Variants in CDH4 observed in about 807,000 individuals in gnomAD.
CDH4 encodes cadherin 4, also known as cadherin-4.
Under a neutral mutation model 86.0 loss-of-function variants are expected in CDH4, and 33 were observed. The observed-to-expected ratio is 0.38, with a 90% confidence interval of 0.29 to 0.51. The LOEUF (loss-of-function observed/expected upper bound fraction) is 0.51, where lower values mean the gene tolerates loss of function less well. CDH4 is among the 20% of genes least tolerant of loss of function. The pLI is 0.86. For missense variants in CDH4, 1,114 were observed against 1,307.4 expected (o/e 0.85, Z 2.28); for synonymous variants, 555 against 549.4 (o/e 1.01, Z -0.14).
At chr20:61,773,799 C>T (rs1162714397) in intron 4 of CDH4, among the ~76,000 whole-genome samples, 1 of 152,190 alleles carries the variant, frequency 6.6e-6, no homozygotes, top group Non-Finnish European at 1.5e-5. Flanking sequence ...AATTCCCAAC[C>T]GTTGTGGAAA....
chr20:61,742,962 C>T (rs6061344), intron 2 of CDH4, among the ~76,000 whole-genome samples: 1 of 152,174 alleles, frequency 6.6e-6, no homozygotes, highest in Non-Finnish European at 1.5e-5. Flanking sequence ...CCACACCTGC[C>T]TAGCCCACCC....
At position 61,684,578 on chromosome 20, in the gene CDH4, G is replaced by A. The variant is rs757556364; in HGVS notation, c.170-58985G>A. 2.6e-5 allele frequency among the ~76,000 whole-genome samples: 4 copies of A among 152,196 alleles called. No individual in the cohort carries two copies. The highest frequency in any genetic ancestry group is 4.8e-5 in the African/African-American group (2 of 41,444). ...TCTGCAGCTGGGAATCCTGGGCTCC[G>A]TCCTGGGGGCTGAAAGGCTCCTGGG... On this transcript the variant is annotated intron_variant, in intron 2 of 15. Transcript: ENST00000614565. The surrounding 1 kb of genome is among the most constrained non-coding windows in gnomAD (Gnocchi z 4.5).
chr20:61,806,768 C>T (rs1980160202), intron 4 of CDH4, among the ~76,000 whole-genome samples: 1 of 152,156 alleles, frequency 6.6e-6, no homozygotes, highest in African/African-American at 2.4e-5. Context: ...ACATCAGGGA[C>T]ATGTTCATCA....
rs4925257 is a variant in CDH4, at chr20:61,392,135, C to T, written c.169+137198C>T. Among the ~76,000 whole-genome samples the T allele has an allele frequency of 0.32, 48,589 of 151,462 alleles. 8,812 individuals carry two copies. Among genetic ancestry groups the T allele is most frequent in the East Asian group, 0.79 (4,050 of 5,106 alleles). ...AGGACCAAGTGGTGGTCGGGCAGCC[C>T]GTGCTGCAGGAGGTGAACCCGGGCA... On this transcript the variant is annotated intron_variant, in intron 2 of 15. Transcript: ENST00000614565. The surrounding 1 kb of genome is among the most constrained non-coding windows in gnomAD (Gnocchi z 5.7).
At chr20:61,513,528 G>A (rs1021953576) in intron 2 of CDH4, among the ~76,000 whole-genome samples, 3 of 152,200 alleles carry the variant, frequency 2.0e-5, no homozygotes, top group Admixed American at 6.5e-5. Context: ...CCGCCATGGC[G>A]CACGGCTGTG....
chr20:61,820,297 G>A (rs1478624307), intron 4 of CDH4, among the ~76,000 whole-genome samples: 2 of 152,220 alleles, frequency 1.3e-5, no homozygotes, highest in African/African-American at 2.4e-5. Flanking sequence ...ACTGGCTGCT[G>A]CCTGGCATAA....
At chr20:61,349,930 C>T (rs1321894815) in intron 2 of CDH4, among the ~76,000 whole-genome samples, 1 of 152,152 alleles carries the variant, frequency 6.6e-6, no homozygotes, top group African/African-American at 2.4e-5. Context: ...GGCCTCAGTG[C>T]CAGACTCAGC....
chr20:61,282,641 G>C (rs1342448648), intron 2 of CDH4, among the ~76,000 whole-genome samples: 1 of 152,104 alleles, frequency 6.6e-6, no homozygotes, highest in Non-Finnish European at 1.5e-5. Context: ...CATGTAATGT[G>C]TTCATATGTA....
intron 15 of CDH4, among the ~76,000 whole-genome samples, chr20:61,934,745 C>CCAAA (rs1242640743): frequency 6.6e-6 from 1 of 151,434 alleles, no homozygotes; most frequent in Non-Finnish European, 1.5e-5. Context: ...ACCCCACACC[C>CCAAA]CAAACATCAG....
intron 2 of CDH4, among the ~76,000 whole-genome samples, chr20:61,605,882 G>A (rs1186265461): frequency 8.1e-6 from 1 of 123,316 alleles, no homozygotes; most frequent in Non-Finnish European, 1.6e-5. Flanking sequence ...TCAAGGCTGT[G>A]GAGGAAAAAA....
chr20:61,714,814 T>G (rs2087935316), intron 2 of CDH4, among the ~76,000 whole-genome samples: 2 of 152,250 alleles, frequency 1.3e-5, no homozygotes, highest in Non-Finnish European at 2.9e-5. Flanking sequence ...CATTGGCTGA[T>G]GGGCACTTGG....
chr20:61,489,963 AT>A (rs933650321), intron 2 of CDH4, among the ~76,000 whole-genome samples: 2 of 151,614 alleles, frequency 1.3e-5, no homozygotes, highest in South Asian at 4.2e-4. Flanking sequence ...AAGGAGTTGT[AT>A]TTTTTTTTAA....
intron 9 of CDH4, among the ~76,000 whole-genome samples, chr20:61,918,880 T>A (rs1307830125): frequency 6.6e-6 from 1 of 152,158 alleles, no homozygotes; most frequent in East Asian, 1.9e-4. Context: ...TTAGGCAATT[T>A]TATTTTTTGA....
At chr20:61,702,711 T>C (rs1289338411) in intron 2 of CDH4, among the ~76,000 whole-genome samples, 2 of 152,224 alleles carry the variant, frequency 1.3e-5, no homozygotes, top group African/African-American at 4.8e-5. Context: ...TCAAAAGTGC[T>C]TAGTAAATCC....
rs1015282373 is a variant in CDH4, at chr20:61,612,888, G to A, written c.170-130675G>A. ...TCATTGGTCTCTTTGGTCTTTGGCC[G>A]TTTCTCTGCCTAATGTCTACTACAG... On this transcript the variant is annotated intron_variant, in intron 2 of 15. Transcript: ENST00000614565. Among the ~76,000 whole-genome samples the A allele has an allele frequency of 2.8e-4, 42 of 152,114 alleles. 1 individual carries two copies. Among genetic ancestry groups the A allele is most frequent in the Admixed American group, 2.0e-4 (3 of 15,292 alleles).
At position 61,681,551 on chromosome 20, in the gene CDH4, G is replaced by A. The variant is rs574278493; in HGVS notation, c.170-62012G>A. Among the ~76,000 whole-genome samples, 11 of 152,272 alleles carry A rather than the reference G, an allele frequency of 7.2e-5. No individual in the cohort carries two copies. Among genetic ancestry groups the A allele is most frequent in the East Asian group, 3.9e-4 (2 of 5,170 alleles). ...CATTTTAAGGAATCTGTTAGCTCCCGAACTCTTGTTCCAAGGGGTAGGAGA... is the reference window on the plus strand; with the variant it reads ...CATTTTAAGGAATCTGTTAGCTCCCAAACTCTTGTTCCAAGGGGTAGGAGA... On this transcript the variant is annotated intron_variant, in intron 2 of 15. Coordinates refer to ENST00000614565, the MANE Select transcript of CDH4 (RefSeq NM_001794.5). The surrounding 1 kb of genome is among the most constrained non-coding windows in gnomAD (Gnocchi z 4.5).
At chr20:61,418,269 G>A (rs2085157990) in intron 2 of CDH4, among the ~76,000 whole-genome samples, 1 of 150,136 alleles carries the variant, frequency 6.7e-6, no homozygotes, top group Non-Finnish European at 1.5e-5. Context: ...GGACTGCAGT[G>A]GCACCATCTC....
chr20:61,437,443 T>C (rs1471537823), intron 2 of CDH4: 1 of 152,204 alleles, frequency 6.6e-6, no homozygotes, highest in Non-Finnish European at 1.5e-5. Context: ...CTAGCCAAAA[T>C]GCCTCGCTTC....
chr20:61,433,082 G>A (rs531226938), intron 2 of CDH4, among the ~76,000 whole-genome samples: 4 of 152,068 alleles, frequency 2.6e-5, no homozygotes, highest in Non-Finnish European at 4.4e-5. Flanking sequence ...CAGGTGATCC[G>A]CCTGCCTTGG....
Sources: gnomAD v4.1 joint callset for allele counts (sites outside exome capture counted in the v4.1 genomes callset) on GRCh38, gnomAD v4.1.1 for gene constraint, Gnocchi (gnomAD v3.1) non-coding constraint, MANE v1.5 for transcripts, NCBI Gene and HGNC (gene_info 2026-07-23, HGNC 2026-07-21) for gene names.